Variants in TRAK1 observed in about 807,000 individuals in gnomAD.
TRAK1 encodes trafficking kinesin-binding protein 1.
Under a neutral mutation model 92.1 loss-of-function variants are expected in TRAK1, and 33 were observed. The ratio of observed to expected loss-of-function variants is 0.36; its 90% confidence interval spans 0.27 to 0.48. TRAK1 has a LOEUF of 0.48. Ranked by LOEUF, TRAK1 falls within the 20% of genes least tolerant of loss-of-function variation. The pLI is 0.99. For synonymous variants in TRAK1, 521 were observed against 517.3 expected (o/e 1.01, Z -0.10); for missense variants, 1,123 against 1,257.9 (o/e 0.89, Z 1.62).
At chr3:42,032,068 G>C (rs911626626) in intron 1 of TRAK1, among the ~76,000 whole-genome samples, 1 of 152,198 alleles carries the variant, frequency 6.6e-6, no homozygotes, top group African/African-American at 2.4e-5. Flanking sequence ...TTCACCCGCA[G>C]GCCTGGAGAG....
In TRAK1 at chr3:42,193,835, A is replaced by T; in HGVS notation, c.912A>T (p.Glu304Asp). Residue 304 changes from glutamate to aspartate, a missense_variant, in exon 9 of 16, where the codon GAA becomes GAT. By Grantham distance (45) the Glu-to-Asp change is conservative (BLOSUM62 2). This residue lies in a region of TRAK1 where 686 missense variants were observed against 747.6 expected (regional missense o/e 0.92). Coordinates refer to ENST00000327628, the MANE Select transcript of TRAK1 (RefSeq NM_001042646.3). Reference protein sequence around the residue: ...LQKKAKACAVENEELVQHLGA... With the variant: ...LQKKAKACAVDNEELVQHLGA... The stretch of plus-strand genomic sequence containing the variant: ...TTGCCATGCTTTAGTGCGCAGTGGA[A>T]AATGAAGAACTTGTCCAGCATCTGG... The T allele has an allele frequency of 6.2e-7, 1 of 1,614,182 alleles. No individual in the cohort carries two copies.
In TRAK1 at chr3:42,202,588, T is replaced by A; in HGVS notation, c.1580T>A (p.Leu527Gln). The change falls in exon 13 of 16, where the codon CTG (leucine) becomes CAG (glutamine). Residue 527 changes from leucine to glutamine, a missense_variant. Leu to Gln is a moderately radical substitution (Grantham distance 113). This residue lies in a region of TRAK1 where 686 missense variants were observed against 747.6 expected (regional missense o/e 0.92). Coordinates refer to ENST00000327628, the MANE Select transcript of TRAK1 (RefSeq NM_001042646.3). The surrounding 1 kb of genome is among the most constrained non-coding windows in gnomAD (Gnocchi z 6.1). ...EEEQERKLQE[L>Q]AEKGELRSGS... ...GAGCAAGAGAGGAAGCTCCAGGAGC[T>A]GGCGGAGAAGGGCGAGCTGCGCAGC... The A allele has an allele frequency of 6.3e-7, 1 of 1,591,404 alleles. No individual in the cohort carries two copies.
chr3:42,063,083 CT>C (rs1703516256), intron 1 of TRAK1, among the ~76,000 whole-genome samples: 1 of 152,210 alleles, frequency 6.6e-6, no homozygotes, highest in African/African-American at 2.4e-5. Flanking sequence ...AAATCCAGTG[CT>C]TATTCTCACA....
At chr3:42,145,370 C>T (rs909463234) in intron 2 of TRAK1, among the ~76,000 whole-genome samples, 1 of 151,878 alleles carries the variant, frequency 6.6e-6, no homozygotes, top group Non-Finnish European at 1.5e-5. Flanking sequence ...CCTTTAATCC[C>T]AGCTACTTGG....
chr3:42,185,744 T>C (rs1042541071), intron 4 of TRAK1, among the ~76,000 whole-genome samples: 18 of 150,024 alleles, frequency 1.2e-4, no homozygotes, highest in Non-Finnish European at 7.4e-5. Flanking sequence ...CGATCCCAGC[T>C]CACTGCAACT....
intron 1 of TRAK1, among the ~76,000 whole-genome samples, chr3:42,023,348 A>G (rs927876912): frequency 6.6e-6 from 1 of 152,122 alleles, no homozygotes; most frequent in Non-Finnish European, 1.5e-5. Flanking sequence ...TTAGGTCACT[A>G]GGGCGGAAAA....
chr3:42,176,836 C>T lies in TRAK1; in HGVS notation c.309C>T (p.Gly103=). ...KYFLLCAERV[G]QMTKTYNDID... ...CAGTTTTATGTGCTGAAAGAGTTGG[C>T]CAGATGACTAAGACATATAATGACA... Residue 103 remains glycine (G), a synonymous_variant, in exon 3 of 16, where the codon GGC becomes GGT. Transcript: ENST00000327628. 1.2e-6 allele frequency: 2 copies of T among 1,613,906 alleles called. No homozygotes were observed. The highest frequency in any genetic ancestry group is 1.1e-5 in the South Asian group (1 of 91,030).
rs192855799 is a variant in TRAK1 at position 42,214,776 on chromosome 3, C to G, written c.1964-4718C>G. 2.7e-3 allele frequency among the ~76,000 whole-genome samples: 417 copies of G among 152,274 alleles called. 4 individuals carry two copies. Among genetic ancestry groups the G allele is most frequent in the African/African-American group, 9.0e-3 (375 of 41,562 alleles). On this transcript the variant is annotated intron_variant, in intron 14 of 15. Transcript: ENST00000327628. ...TTCCTGCTGGCCAGATGTCTGATCA[C>G]CGAGGAGCTCAGGGACCTCTACGGA...
rs1710643197 is a variant in TRAK1, at chr3:42,224,634, A to T, written c.*897A>T. 6.6e-6 allele frequency: 1 copy of T among 152,312 alleles called. No individual in the cohort carries two copies. The highest frequency in any genetic ancestry group is 1.5e-5 in the Non-Finnish European group (1 of 68,116). The allele number at this position is 152,312 out of a possible 1,614,324, so 9.4% of individuals were successfully genotyped here. ...TTCTGGGACCCAGAGTCACAACCAA[A>T]TTGATTTAAGACCGGACCCAAGACA... On this transcript the variant is annotated 3_prime_UTR_variant, in exon 16 of 16. Transcript: ENST00000327628.
intron 1 of TRAK1, among the ~76,000 whole-genome samples, chr3:42,099,056 AG>A (rs1328178330): frequency 6.7e-6 from 1 of 149,450 alleles, no homozygotes; most frequent in African/African-American, 2.5e-5. Context: ...GCAGTCAGGG[AG>A]GGGGTATCTA....
intron 1 of TRAK1, among the ~76,000 whole-genome samples, chr3:42,060,640 T>G (rs1027429785): frequency 6.6e-6 from 1 of 150,840 alleles, no homozygotes; most frequent in African/African-American, 2.4e-5. Flanking sequence ...TTTTTTTTTT[T>G]TTTTGAGACG....
intron 13 of TRAK1, chr3:42,203,057 T>C (rs565132937): frequency 3.2e-6 from 4 of 1,238,910 alleles, no homozygotes; most frequent in Admixed American, 4.1e-5. Context: ...ATAAAAACTT[T>C]TGTGGCGGTA....
chr3:42,029,255 A>G (rs1294397627), intron 1 of TRAK1, among the ~76,000 whole-genome samples: 2 of 152,140 alleles, frequency 1.3e-5, no homozygotes, highest in Non-Finnish European at 2.9e-5. Context: ...GATCCAAACC[A>G]TATCACAGTG....
intron 1 of TRAK1, among the ~76,000 whole-genome samples, chr3:42,095,454 C>T (rs1243585391): frequency 2.0e-5 from 3 of 152,066 alleles, no homozygotes; most frequent in Admixed American, 6.5e-5. Flanking sequence ...AACACATGCA[C>T]GTGGTAAAAC....
intron 1 of TRAK1, among the ~76,000 whole-genome samples, chr3:42,023,107 G>A (rs1483199543): frequency 1.4e-5 from 2 of 142,444 alleles, no homozygotes; most frequent in Admixed American, 1.5e-4. Context: ...GCAGTGAGCC[G>A]AGATTGCGCC....
intron 1 of TRAK1, among the ~76,000 whole-genome samples, chr3:42,069,166 T>C (rs1262169613): frequency 1.3e-5 from 2 of 151,334 alleles, no homozygotes; most frequent in Non-Finnish European, 2.9e-5. Context: ...ACTGTGTATA[T>C]ACACACACAC....
At chr3:42,180,718 G>T (rs532163523) in intron 3 of TRAK1, among the ~76,000 whole-genome samples, 1 of 151,732 alleles carries the variant, frequency 6.6e-6, no homozygotes, top group South Asian at 2.1e-4. Context: ...AAAGGTGGAG[G>T]GTGGAGAAAG....
intron 2 of TRAK1, among the ~76,000 whole-genome samples, chr3:42,144,308 A>G (rs1305113274): frequency 1.3e-5 from 2 of 152,120 alleles, no homozygotes; most frequent in Admixed American, 1.3e-4. Flanking sequence ...GATGATCACA[A>G]CTAACATTTA....
At chr3:42,144,591 C>T (rs1016715730) in intron 2 of TRAK1, among the ~76,000 whole-genome samples, 6 of 152,088 alleles carry the variant, frequency 3.9e-5, no homozygotes, top group Non-Finnish European at 7.4e-5. Context: ...TAAAAAAATT[C>T]ATAGTGCTGT....
Sources: allele counts gnomAD v4.1 joint callset (sites outside exome capture counted in the v4.1 genomes callset), GRCh38; gene constraint gnomAD v4.1.1; regional missense constraint gnomAD v4.1.1; non-coding constraint Gnocchi (gnomAD v3.1); transcripts MANE v1.5; gene names NCBI Gene and HGNC (gene_info 2026-07-23, HGNC 2026-07-21).